CAMK1D: variants seen among roughly 807,000 people sequenced by gnomAD.
CAMK1D encodes the protein calcium/calmodulin dependent protein kinase ID.
A neutral mutation model predicts 47.7 loss-of-function variants in CAMK1D; 9 were observed. The observed-to-expected ratio is 0.19, with a 90% CI of 0.11 to 0.33. CAMK1D has a LOEUF of 0.33. Ranked by LOEUF, CAMK1D falls within the 10% of genes least tolerant of loss-of-function variation. CAMK1D has a pLI of 1.00. For synonymous variants in CAMK1D, 184 were observed against 184.9 expected (o/e 0.99, Z 0.04); for missense variants, 291 against 488.7 (o/e 0.60, Z 3.81).
chr10:12,523,606 G>A lies in CAMK1D; in HGVS notation c.93-29619G>A, dbSNP rs189237525. Among the ~76,000 whole-genome samples, 999 of 152,270 alleles carry A rather than the reference G, an allele frequency of 6.6e-3. 6 individuals are homozygous for A. Among genetic ancestry groups the A allele is most frequent in the African/African-American group, 0.023 (955 of 41,558 alleles). On this transcript the variant is annotated intron_variant, in intron 1 of 10. Coordinates refer to ENST00000619168, the MANE Select transcript of CAMK1D (RefSeq NM_153498.4). Reference sequence around the variant, plus strand: ...AAAAAAATACGAAAACCAGTCAGGCGTGGCGGATCACGCCTGCAATCGCAG... The same window carrying A: ...AAAAAAATACGAAAACCAGTCAGGCATGGCGGATCACGCCTGCAATCGCAG...
intron 3 of CAMK1D, among the ~76,000 whole-genome samples, chr10:12,738,860 A>G (rs547151226): frequency 6.6e-6 from 1 of 151,910 alleles, no homozygotes; most frequent in Non-Finnish European, 1.5e-5. Flanking sequence ...AAAATAAATT[A>G]TTCTATAACC....
At chr10:12,451,236 C>T (rs537912661) in intron 1 of CAMK1D, among the ~76,000 whole-genome samples, 1 of 152,328 alleles carries the variant, frequency 6.6e-6, no homozygotes, top group African/African-American at 2.4e-5. Flanking sequence ...CCCCTGCAGG[C>T]TCCTCCTCTG....
rs1832906083 is a variant in CAMK1D, at chr10:12,691,396, TATATATAAATATATATATATATATA to T, written c.299+24587_299+24611del. Among the ~76,000 whole-genome samples the T allele has an allele frequency of 2.1e-3, 15 of 7,290 alleles. 1 individual carries two copies. The highest frequency in any genetic ancestry group is 6.6e-3 in the African/African-American group (13 of 1,980). 4.8% of individuals were successfully genotyped at this position (7,290 alleles called of 152,430 possible). A position where few individuals can be genotyped will look rare whatever the true frequency, so the allele number is the denominator to read the frequency against. The stretch of plus-strand genomic sequence containing the variant: ...ATATATAAATATATATATATATATA[TATATATAAATATATATATATATATA>T]TTTTTTTTTTTTTTTTTTTTTTTTT... On this transcript the variant is annotated intron_variant, in intron 3 of 10. Coordinates refer to ENST00000619168, the MANE Select transcript of CAMK1D (RefSeq NM_153498.4).
chr10:12,532,862 T>C (rs1835853550), intron 1 of CAMK1D, among the ~76,000 whole-genome samples: 1 of 150,016 alleles, frequency 6.7e-6, no homozygotes, highest in African/African-American at 2.5e-5. Context: ...ACATCGCATG[T>C]TCTCACCTAT....
intron 2 of CAMK1D, among the ~76,000 whole-genome samples, chr10:12,571,277 C>A (rs1337629141): frequency 1.3e-5 from 2 of 151,790 alleles, no homozygotes; most frequent in Admixed American, 6.6e-5. Context: ...AAACCCCCGT[C>A]TCTATGAGGA....
intron 1 of CAMK1D, among the ~76,000 whole-genome samples, chr10:12,470,262 C>T (rs1833705797): frequency 6.6e-6 from 1 of 152,134 alleles, no homozygotes; most frequent in Non-Finnish European, 1.5e-5. Flanking sequence ...CCATGCCATT[C>T]CTTTGTATGA....
rs574914377 is a variant in CAMK1D at position 12,722,003 on chromosome 10, TCC to T, written c.300-38943_300-38942del. On this transcript the variant is annotated intron_variant, in intron 3 of 10. Coordinates refer to ENST00000619168, the MANE Select transcript of CAMK1D (RefSeq NM_153498.4). Reference sequence around the variant, plus strand: ...CCCTAAGTGAGGTAGCTTTCTGAGGTCCCTTTTATAAGGGCGTTAATCCCATT... The same window carrying T: ...CCCTAAGTGAGGTAGCTTTCTGAGGTCTTTTATAAGGGCGTTAATCCCATT... 2.2e-3 allele frequency among the ~76,000 whole-genome samples: 335 copies of T among 152,006 alleles called. 1 individual carries two copies. Among genetic ancestry groups the T allele is most frequent in the Non-Finnish European group, 3.5e-3 (237 of 67,954 alleles).
chr10:12,769,819 ACACATGTGCC>A lies in CAMK1D; in HGVS notation c.565+22_565+31del. 3.7e-6 allele frequency: 6 copies of A among 1,613,604 alleles called. No individual in the cohort carries two copies. The highest frequency in any genetic ancestry group is 5.1e-6 in the Non-Finnish European group (6 of 1,179,620). On this transcript the variant is annotated intron_variant, in intron 5 of 10. Coordinates refer to ENST00000619168, the MANE Select transcript of CAMK1D (RefSeq NM_153498.4). ...ATGTCGGTAAGGACAGTGCATGTGC[ACACATGTGCC>A]CGTGTGTGTGTGATGTCCTCATGTG...
chr10:12,434,062 C>T lies in CAMK1D; in HGVS notation c.92+84152C>T, dbSNP rs569538901. Among the ~76,000 whole-genome samples the T allele has an allele frequency of 3.9e-5, 6 of 152,300 alleles. No individual in the cohort carries two copies. In the South Asian group the frequency reaches 1.2e-3, roughly 32 times the overall value. On this transcript the variant is annotated intron_variant, in intron 1 of 10. Transcript: ENST00000619168. ...CATACCTCACTGCAGCCTTGAACTC[C>T]TGGGCTCAAGTGATCCTCCTGCCTC...
chr10:12,387,397 T>TATTATATATTATATATATAATATATA (rs199871181), intron 1 of CAMK1D, among the ~76,000 whole-genome samples: 1 of 83,754 alleles, frequency 1.2e-5, no homozygotes, highest in Non-Finnish European at 2.3e-5. Flanking sequence ...ATATTATATA[T>TATTATATATTATATATATAATATATA]TTTTATATAT....
rs908389470 is a variant in CAMK1D at position 12,777,907 on chromosome 10, C to T, written c.565+8108C>T. Among the ~76,000 whole-genome samples, 11 of 152,324 alleles carry T rather than the reference C, an allele frequency of 7.2e-5. No homozygotes were observed. The East Asian group carries it at 9.7e-4, about 13-fold the overall frequency. On this transcript the variant is annotated intron_variant, in intron 5 of 10. Coordinates refer to ENST00000619168, the MANE Select transcript of CAMK1D (RefSeq NM_153498.4). ...CCATCTGAGCAGGGCAGAGCCCAGC[C>T]CCATTTGGCAGCTGCGAGGGAGGAG...
chr10:12,366,498 T>TAA (rs11452864), intron 1 of CAMK1D, among the ~76,000 whole-genome samples: 9 of 146,686 alleles, frequency 6.1e-5, no homozygotes, highest in Non-Finnish European at 7.5e-5. Flanking sequence ...CTACTAAAAA[T>TAA]AAAAAAAAAA....
intron 2 of CAMK1D, among the ~76,000 whole-genome samples, chr10:12,640,632 T>C (rs1436897189): frequency 2.6e-5 from 4 of 152,206 alleles, no homozygotes; most frequent in Non-Finnish European, 5.9e-5. Flanking sequence ...TTATGTGAGC[T>C]ATAAGTAGAC....
chr10:12,732,679 GC>G (rs1014868028), intron 3 of CAMK1D, among the ~76,000 whole-genome samples: 3 of 60,108 alleles, frequency 5.0e-5, no homozygotes, highest in African/African-American at 1.9e-4. Flanking sequence ...CGCCCCCCCC[GC>G]CCCCTGTCCC....
At chr10:12,525,099 C>T (rs994186459) in intron 1 of CAMK1D, among the ~76,000 whole-genome samples, 8 of 152,182 alleles carry the variant, frequency 5.3e-5, no homozygotes, top group African/African-American at 4.8e-5. Flanking sequence ...GACTCATTCT[C>T]GTCACATTTT....
intron 1 of CAMK1D, among the ~76,000 whole-genome samples, chr10:12,543,949 G>A (rs984675323): frequency 6.6e-6 from 1 of 152,192 alleles, no homozygotes; most frequent in African/African-American, 2.4e-5. Context: ...GAAGTTAAAA[G>A]CCTAAGTAGT....
intron 2 of CAMK1D, among the ~76,000 whole-genome samples, chr10:12,616,702 A>G (rs1465342904): frequency 6.6e-6 from 1 of 152,094 alleles, no homozygotes; most frequent in Non-Finnish European, 1.5e-5. Context: ...TATTTGTAGT[A>G]GACACGGGGT....
intron 6 of CAMK1D, among the ~76,000 whole-genome samples, chr10:12,813,969 A>G (rs1190361717): frequency 1.7e-5 from 2 of 118,840 alleles, no homozygotes; most frequent in African/African-American, 3.8e-5. Flanking sequence ...TGCATTTTTT[A>G]GTTGAGACGA....
At chr10:12,749,119 A>C (rs1171609293) in intron 3 of CAMK1D, among the ~76,000 whole-genome samples, 2 of 152,210 alleles carry the variant, frequency 1.3e-5, no homozygotes, top group African/African-American at 4.8e-5. Context: ...TCTTTGCTGG[A>C]AGACAGCTCC....
Sources: gnomAD v4.1 joint callset for allele counts (sites outside exome capture counted in the v4.1 genomes callset) on GRCh38, gnomAD v4.1.1 for gene constraint, MANE v1.5 for transcripts, NCBI Gene and HGNC (gene_info 2026-07-23, HGNC 2026-07-21) for gene names.